Variants in CA11 observed in about 807,000 individuals in gnomAD.
The protein encoded by CA11 is carbonic anhydrase-related protein 11.
Under a neutral mutation model 39.3 loss-of-function variants are expected in CA11, and 20 were observed. The observed-to-expected ratio is 0.51, with a 90% CI of 0.36 to 0.74. The LOEUF is 0.74. CA11 is among the 30% of genes least tolerant of loss of function. CA11 has a pLI of 0.00. For synonymous variants in CA11, 166 were observed against 172.5 expected (o/e 0.96, Z 0.29); for missense variants, 336 against 424.6 (o/e 0.79, Z 1.83).
chr19:48,638,924 CG>C lies in CA11; in HGVS notation c.924del (p.Glu309ArgfsTer48). 6.2e-7 allele frequency: 1 copy of C among 1,605,976 alleles called. No individual in the cohort carries two copies. Among genetic ancestry groups the C allele is most frequent in the South Asian group, 1.1e-5 (1 of 90,302 alleles). On this transcript the variant is annotated frameshift_variant, in exon 8 of 9. Coordinates refer to ENST00000084798, the MANE Select transcript of CA11 (RefSeq NM_001217.5). LOFTEE classifies it high-confidence loss of function. Reference protein sequence around the residue: ...ALRGNRDPRHPERRCRGPNYR... With the variant: ...ALRGNRDPRHXERRCRGPNYR... ...TAGTTGGGGCCTCGGCAGCGCCTCTCGGGGTGCCGGGGGTCCCTGTTGCCCC... is the reference window on the plus strand; with the variant it reads ...TAGTTGGGGCCTCGGCAGCGCCTCTCGGGTGCCGGGGGTCCCTGTTGCCCC...
In CA11 at chr19:48,645,540, C is replaced by T. The variant is rs769384858; in HGVS notation, c.67+26G>A. On this transcript the variant is annotated intron_variant, in intron 1 of 8. Coordinates refer to ENST00000084798, the MANE Select transcript of CA11 (RefSeq NM_001217.5). ...CCCCACCTCCACCCTCCCTCGGGGG[C>T]TCCTCCCGGGAACCCCAGGTCTTAC... 5.6e-6 allele frequency: 9 copies of T among 1,598,230 alleles called. No individual in the cohort carries two copies. In the South Asian group the frequency reaches 9.0e-5, roughly 16 times the overall value.
At chr19:48,640,673 C>CTT (rs542844572) in intron 3 of CA11, among the ~76,000 whole-genome samples, 37 of 119,774 alleles carry the variant, frequency 3.1e-4, no homozygotes, top group East Asian at 7.3e-4. Context: ...CGCACCCGGT[C>CTT]TTTTTTTTTT....
chr19:48,639,513 T>G (rs1469102776), intron 6 of CA11, 36 bp downstream of exon 6: 5 of 1,613,808 alleles, frequency 3.1e-6, no homozygotes, highest in Non-Finnish European at 4.2e-6. Context: ...AACCCCCTCG[T>G]GTGTGACCAC....
chr19:48,638,470 G>A (rs1485077613), intron 8 of CA11: 3 of 595,808 alleles, frequency 5.0e-6, no homozygotes, highest in Non-Finnish European at 4.6e-6. Context: ...GAGGGAAGGG[G>A]TTGTACCTTG....
rs150279251 is a variant in CA11, at chr19:48,644,846, C to T, written c.143-277G>A. Among the ~76,000 whole-genome samples, 1,090 of 152,180 alleles carry T rather than the reference C, an allele frequency of 7.2e-3. 15 individuals carry two copies. Among genetic ancestry groups the T allele is most frequent in the African/African-American group, 0.025 (1,033 of 41,498 alleles). ...CTGACCACAGGTAATCCACCCACCT[C>T]GGCCTCCTAAAGTGCTGGGATTTCA... On this transcript the variant is annotated intron_variant, in intron 2 of 8. Transcript: ENST00000084798.
intron 3 of CA11, among the ~76,000 whole-genome samples, chr19:48,642,314 C>T (rs980185596): frequency 5.3e-5 from 8 of 152,082 alleles, no homozygotes; most frequent in African/African-American, 1.7e-4. Flanking sequence ...GCCTGGCCAA[C>T]ATGGTGAAAC....
Position 48,639,955 on chromosome 19 carries a change from G to GA in CA11, c.472-73dup, listed in dbSNP as rs1172089413. 3 of 1,529,782 alleles carry GA rather than the reference G, an allele frequency of 2.0e-6. No homozygotes were observed. The East Asian group carries it at 6.7e-5, about 34-fold the overall frequency. 94.8% of individuals were successfully genotyped at this position (1,529,782 alleles called of 1,614,324 possible). On this transcript the variant is annotated intron_variant, in intron 4 of 8. Transcript: ENST00000084798. Reference sequence around the variant, plus strand: ...AGCATGACCCCAGCTTTGGGGGCCCGAATCAGGCTGAGGATTAGTGCTTAG... The same window carrying GA: ...AGCATGACCCCAGCTTTGGGGGCCCGAAATCAGGCTGAGGATTAGTGCTTAG...
chr19:48,641,191 G>A (rs1283149282), intron 3 of CA11, among the ~76,000 whole-genome samples: 1 of 151,254 alleles, frequency 6.6e-6, no homozygotes, highest in African/African-American at 2.4e-5. Context: ...TGTTGGCCAG[G>A]CTGGTCTCAA....
At chr19:48,639,675 C>T (rs1052658190) in intron 5 of CA11, 54 bp from the exon 6 acceptor site, 2 of 1,601,560 alleles carry the variant, frequency 1.2e-6, no homozygotes, top group Admixed American at 1.7e-5. Flanking sequence ...AAGCCCTCAA[C>T]CTTCTCCTCC....
In CA11 at chr19:48,645,669, C is replaced by A; in HGVS notation, c.-37G>T. 6.8e-7 allele frequency: 1 copy of A among 1,462,730 alleles called. No individual in the cohort carries two copies. The allele number at this position is 1,462,730 out of a possible 1,614,324, so 90.6% of individuals were successfully genotyped here. ...CTCCGAGGGACCCCTGCCCAACGCCCTGCCCCCCTCTCTCAGCTCCTCTGT... is the reference window on the plus strand; with the variant it reads ...CTCCGAGGGACCCCTGCCCAACGCCATGCCCCCCTCTCTCAGCTCCTCTGT... On this transcript the variant is annotated 5_prime_UTR_variant, in exon 1 of 9. It adds an upstream start codon to the 5' untranslated region. Transcript: ENST00000084798.
intron 8 of CA11, 159 bp from the exon 9 acceptor site, chr19:48,638,303 A>T: frequency 9.1e-7 from 1 of 1,097,102 alleles, no homozygotes; most frequent in East Asian, 5.2e-5. Flanking sequence ...GCTGAACCAC[A>T]AGAAGCCAAT....
chr19:48,638,384 GGGGT>G, intron 8 of CA11: 3 of 356,686 alleles, frequency 8.4e-6, no homozygotes, highest in Non-Finnish European at 7.7e-6. Context: ...TGGGGGGGGG[GGGGT>G]GTGGACTGTA....
chr19:48,644,360 CAT>C, intron 3 of CA11, 65 bp downstream of exon 3: 1 of 1,436,346 alleles, frequency 7.0e-7, no homozygotes, highest in Non-Finnish European at 9.4e-7. Flanking sequence ...CTCAGCACCC[CAT>C]TCCCCAGCCT....
rs1425001555 is a variant in CA11 at position 48,638,870 on chromosome 19, G to A, written c.961+18C>T. On this transcript the variant is annotated intron_variant, in intron 8 of 8. Coordinates refer to ENST00000084798, the MANE Select transcript of CA11 (RefSeq NM_001217.5). ...AGGGTTAGCCCAAGACTTAGAGGGG[G>A]TGCAGACTGGACCATACCATGCAGG... 2 of 1,553,060 alleles carry A rather than the reference G, an allele frequency of 1.3e-6. No individual in the cohort carries two copies. The highest frequency in any genetic ancestry group is 1.7e-6 in the Non-Finnish European group (2 of 1,154,292).
rs1435642426 is a variant in CA11 at position 48,643,844 on chromosome 19, A to T, written c.285+583T>A. ...CGCAGTGGCTCATGCCTGTAATCCT[A>T]GCACTTTGGGAGGCCGAGGCAGGTG... On this transcript the variant is annotated intron_variant, in intron 3 of 8. Transcript: ENST00000084798. This position sits in a 1 kb window ranked among gnomAD's most constrained non-coding sequence, Gnocchi z 4.3. Among the ~76,000 whole-genome samples the T allele has an allele frequency of 6.6e-6, 1 of 152,036 alleles. No homozygotes were observed.
chr19:48,639,132 G>A, intron 7 of CA11, 79 bp from the exon 8 acceptor site: 2 of 1,570,306 alleles, frequency 1.3e-6, no homozygotes, highest in Admixed American at 1.8e-5. Context: ...CCCCGCCCCT[G>A]GGAGCAGGTG....
In CA11 at chr19:48,645,872, A is replaced by C. The variant is rs2031235280; in HGVS notation, c.-240T>G. ...CTCTTTCCTCTGCTCTTTTCCCGGAACCCTCCAGTCTCCCTCTAGCTCCTG... is the reference window on the plus strand; with the variant it reads ...CTCTTTCCTCTGCTCTTTTCCCGGACCCCTCCAGTCTCCCTCTAGCTCCTG... On this transcript the variant is annotated 5_prime_UTR_variant, in exon 1 of 9. Transcript: ENST00000084798. 7 of 494,050 alleles carry C rather than the reference A, an allele frequency of 1.4e-5. No homozygotes were observed. Among genetic ancestry groups the C allele is most frequent in the South Asian group, 3.4e-5 (1 of 29,532 alleles). 30.6% of individuals were successfully genotyped at this position (494,050 alleles called of 1,614,324 possible).
chr19:48,646,090 C>T lies in CA11; in HGVS notation c.-458G>A, dbSNP rs2031241737. 6.4e-6 allele frequency: 2 copies of T among 314,382 alleles called. No homozygotes were observed. The highest frequency in any genetic ancestry group is 5.8e-6 in the Non-Finnish European group (1 of 172,138). 19.5% of individuals were successfully genotyped at this position (314,382 alleles called of 1,614,324 possible). ...TCTTCTCCCCTCTCTCCTTCTTCAC[C>T]TCCTCCCGCCCTCCCTCAGTGTCGG... On this transcript the variant is annotated 5_prime_UTR_variant, in exon 1 of 9. Transcript: ENST00000084798.
intron 2 of CA11, 129 bp downstream of exon 2, chr19:48,645,273 CT>C: frequency 1.3e-6 from 1 of 767,036 alleles, no homozygotes; most frequent in Non-Finnish European, 2.1e-6. Context: ...GGCCCGACTC[CT>C]GAGGGACAGA....
Sources: gnomAD v4.1 joint callset for allele counts (sites outside exome capture counted in the v4.1 genomes callset) on GRCh38, gnomAD v4.1.1 for gene constraint, Gnocchi (gnomAD v3.1) non-coding constraint, MANE v1.5 for transcripts, NCBI Gene and HGNC (gene_info 2026-07-23, HGNC 2026-07-21) for gene names.